Variants in FNIP2 observed in about 807,000 individuals in gnomAD.
FNIP2 encodes folliculin interacting protein 2, also known as folliculin-interacting protein 2.
FNIP2 carries 32 observed loss-of-function variants against 108.7 expected under a neutral mutation model. That is an observed-to-expected ratio of 0.29 (90% CI 0.22 to 0.40). The LOEUF is 0.40. Among genes scored for constraint, FNIP2 ranks in the 10% least tolerant of loss-of-function variants. The probability of loss-of-function intolerance (pLI) is 1.00; values close to 1 mark genes in which losing one functional copy is unlikely to be tolerated. For missense variants in FNIP2, 1,202 were observed against 1,381.6 expected (o/e 0.87, Z 2.06); for synonymous variants, 480 against 496.7 (o/e 0.97, Z 0.45).
At chr4:158,803,306 T>C (rs186389171) in intron 1 of FNIP2, among the ~76,000 whole-genome samples, 27 of 152,316 alleles carry the variant, frequency 1.8e-4, no homozygotes, top group African/African-American at 5.5e-4. Flanking sequence ...TATTTAATAT[T>C]TAAGAGCAGG....
Position 158,891,629 on chromosome 4 carries a change from C to T in FNIP2, c.3133C>T (p.His1045Tyr), listed in dbSNP as rs748385547. The T allele has an allele frequency of 2.5e-6, 4 of 1,612,006 alleles. No individual in the cohort carries two copies. The highest frequency in any genetic ancestry group is 1.3e-5 in the African/African-American group (1 of 75,018). The change falls in exon 15 of 17, where the codon CAC becomes TAC. Residue 1045 changes from histidine to tyrosine, a missense_variant. His to Tyr is a moderately conservative substitution (Grantham distance 83). Coordinates refer to ENST00000264433, the MANE Select transcript of FNIP2 (RefSeq NM_020840.3). ...LQSILQLYKL[H>Y]LPADFCIMHL... The stretch of plus-strand genomic sequence containing the variant: ...GTCCATTTTACAGCTCTATAAGCTT[C>T]ACCTCCCTGCTGATTTTGTAAGTAC...
chr4:158,901,832 C>T (rs1350144125), intron 16 of FNIP2, among the ~76,000 whole-genome samples: 6 of 151,650 alleles, frequency 4.0e-5, no homozygotes, highest in African/African-American at 1.5e-4. Flanking sequence ...TTTTTCAGCT[C>T]CATCAGGTCA....
intron 1 of FNIP2, among the ~76,000 whole-genome samples, chr4:158,784,024 T>C (rs1264801585): frequency 6.6e-6 from 1 of 152,164 alleles, no homozygotes; most frequent in Admixed American, 6.5e-5. Flanking sequence ...ATAAAGTAAC[T>C]TCCAAGTTTT....
At chr4:158,876,630 G>T (rs905759603) in intron 14 of FNIP2, among the ~76,000 whole-genome samples, 1 of 152,202 alleles carries the variant, frequency 6.6e-6, no homozygotes, top group Non-Finnish European at 1.5e-5. Context: ...CTCTACTAGG[G>T]CTTCAGGTGC....
intron 6 of FNIP2, chr4:158,833,973 CCT>C: frequency 1.1e-6 from 1 of 908,310 alleles, no homozygotes; most frequent in East Asian, 5.7e-5. Flanking sequence ...CCTACTTGTG[CCT>C]CTCTAGAAAT....
chr4:158,806,455 A>ATC lies in FNIP2; in HGVS notation c.108-19460_108-19459insCT, dbSNP rs1188095423. On this transcript the variant is annotated intron_variant, in intron 1 of 16. Coordinates refer to ENST00000264433, the MANE Select transcript of FNIP2 (RefSeq NM_020840.3). ...AACTTTAGTTGTTTCAAAGTCTCAG[A>ATC]TAATTTTTTATTTAATTTACTGTGT... 4 of 1,257,052 alleles carry ATC rather than the reference A, an allele frequency of 3.2e-6. No individual in the cohort carries two copies. In the East Asian group the frequency reaches 2.2e-4, roughly 71 times the overall value. 77.9% of individuals were successfully genotyped at this position (1,257,052 alleles called of 1,614,324 possible). A position where few individuals can be genotyped will look rare whatever the true frequency, so the allele number is the denominator to read the frequency against.
chr4:158,829,134 G>A lies in FNIP2; in HGVS notation c.290G>A (p.Ser97Asn). ...ISAKCCQGSS[S>N]VSSSSSSSIS... Reference sequence around the variant, plus strand: ...GCCAAGTGCTGCCAGGGAAGCAGCAGTGTCAGCAGCAGTAGCAGCAGCAGC... The same window carrying A: ...GCCAAGTGCTGCCAGGGAAGCAGCAATGTCAGCAGCAGTAGCAGCAGCAGC... The change falls in exon 3 of 17, where the codon AGT becomes AAT. Residue 97 changes from serine to asparagine, a missense_variant. Ser to Asn is a conservative substitution (Grantham distance 46). Transcript: ENST00000264433. 1 of 1,612,856 alleles carries A rather than the reference G, an allele frequency of 6.2e-7. No homozygotes were observed. Among genetic ancestry groups the A allele is most frequent in the East Asian group, 2.2e-5 (1 of 44,864 alleles).
chr4:158,786,302 C>T (rs146288186), intron 1 of FNIP2, among the ~76,000 whole-genome samples: 110 of 152,220 alleles, frequency 7.2e-4, no homozygotes, highest in African/African-American at 2.4e-3. Context: ...GTTCTGTGTC[C>T]AAGATAAATA....
intron 7 of FNIP2, among the ~76,000 whole-genome samples, chr4:158,837,250 C>A (rs1778862831): frequency 6.6e-6 from 1 of 152,150 alleles, no homozygotes; most frequent in African/African-American, 2.4e-5. Context: ...TAGTGGGTGA[C>A]AGAATTTAAC....
intron 1 of FNIP2, among the ~76,000 whole-genome samples, chr4:158,807,101 A>G (rs1172299587): frequency 1.3e-5 from 2 of 152,230 alleles, no homozygotes; most frequent in African/African-American, 4.8e-5. Context: ...GCATATCAAT[A>G]AAAACAAAAA....
chr4:158,777,983 A>G (rs996403465), intron 1 of FNIP2, among the ~76,000 whole-genome samples: 98 of 152,156 alleles, frequency 6.4e-4, no homozygotes, highest in African/African-American at 2.2e-3. Flanking sequence ...AGGAAAAAAA[A>G]TTCTTTCCCT....
At chr4:158,902,821 T>C (rs567851142) in intron 16 of FNIP2, among the ~76,000 whole-genome samples, 16 of 152,248 alleles carry the variant, frequency 1.1e-4, no homozygotes, top group Middle Eastern at 3.4e-3. Context: ...TCAGCAATGG[T>C]GGATGCCCCT....
chr4:158,806,191 C>T lies in FNIP2; in HGVS notation c.108-19725C>T, dbSNP rs1776944632. 6 of 1,266,808 alleles carry T rather than the reference C, an allele frequency of 4.7e-6. No homozygotes were observed. In the African/African-American group the frequency reaches 6.1e-5, roughly 13 times the overall value. 78.5% of individuals were successfully genotyped at this position (1,266,808 alleles called of 1,614,324 possible). ...ATAACAAAGGAACTTCAGGATTTGTCTCCAAGTCCATGTTTATGGTCAGGA... is the reference window on the plus strand; with the variant it reads ...ATAACAAAGGAACTTCAGGATTTGTTTCCAAGTCCATGTTTATGGTCAGGA... On this transcript the variant is annotated intron_variant, in intron 1 of 16. Coordinates refer to ENST00000264433, the MANE Select transcript of FNIP2 (RefSeq NM_020840.3).
rs188848543 is a variant in FNIP2, at chr4:158,816,658, G to A, written c.108-9258G>A. On this transcript the variant is annotated intron_variant, in intron 1 of 16. Transcript: ENST00000264433. ...AAATTAGCCAGGTGTGGTGGTGGGC[G>A]CCTGTAATCCCAGCTACTTGGGAGG... 1.3e-3 allele frequency among the ~76,000 whole-genome samples: 190 copies of A among 151,924 alleles called. No homozygotes were observed. The Middle Eastern group carries it at 0.024, about 19-fold the overall frequency.
intron 1 of FNIP2, among the ~76,000 whole-genome samples, chr4:158,804,180 G>T (rs982753527): frequency 6.6e-6 from 1 of 152,072 alleles, no homozygotes; most frequent in Non-Finnish European, 1.5e-5. Context: ...GACCTCAAAT[G>T]ATCCGTCCAC....
intron 10 of FNIP2, 28 bp from the exon 11 acceptor site, chr4:158,861,314 T>C (rs749092552): frequency 6.3e-7 from 1 of 1,591,782 alleles, no homozygotes; most frequent in Non-Finnish European, 8.5e-7. Context: ...CTGACACTTT[T>C]GTGTTTCCCT....
intron 13 of FNIP2, among the ~76,000 whole-genome samples, 157 bp downstream of exon 13, chr4:158,869,585 G>A (rs934439992): frequency 1.3e-5 from 2 of 152,158 alleles, no homozygotes; most frequent in Admixed American, 1.3e-4. Flanking sequence ...CTATACAAAC[G>A]GTTTCCCACC....
Position 158,835,390 on chromosome 4 carries a change from G to T in FNIP2, c.656-15G>T, listed in dbSNP as rs1157768338. The T allele has an allele frequency of 6.2e-7, 1 of 1,610,642 alleles. No individual in the cohort carries two copies. The highest frequency in any genetic ancestry group is 1.3e-5 in the African/African-American group (1 of 74,820). ...AAGAGCCCAATAACATGGTTTTCTT[G>T]TTCCTTTATCTTAGCACACAGCACA... On this transcript the variant is annotated splice_polypyrimidine_tract_variant and intron_variant, in intron 6 of 16. Coordinates refer to ENST00000264433, the MANE Select transcript of FNIP2 (RefSeq NM_020840.3).
intron 7 of FNIP2, among the ~76,000 whole-genome samples, chr4:158,841,366 G>A (rs746524387): frequency 2.0e-5 from 3 of 152,174 alleles, no homozygotes; most frequent in Non-Finnish European, 4.4e-5. Flanking sequence ...AGGGAAGAGG[G>A]AGAGGAGGGT....
Sources: gnomAD v4.1 joint callset for allele counts (sites outside exome capture counted in the v4.1 genomes callset) on GRCh38, gnomAD v4.1.1 for gene constraint, MANE v1.5 for transcripts, NCBI Gene and HGNC (gene_info 2026-07-23, HGNC 2026-07-21) for gene names.